The following CDH6 variants were observed in gnomAD, a reference collection of about 807,000 sequenced individuals.
CDH6 encodes cadherin 6.
Under a neutral mutation model 78.0 loss-of-function variants are expected in CDH6, and 31 were observed. The ratio of observed to expected loss-of-function variants is 0.40; its 90% CI spans 0.30 to 0.54. The LOEUF (loss-of-function observed/expected upper bound fraction) is 0.54, where lower values mean the gene tolerates loss of function less well. Among genes scored for constraint, CDH6 ranks in the 20% least tolerant of loss-of-function variants. The pLI, the probability that CDH6 is intolerant of heterozygous loss-of-function variation, is 0.56. For missense variants in CDH6, 724 were observed against 975.9 expected, an observed-to-expected ratio of 0.74 and a Z score of 3.44; for synonymous variants, 376 against 368.8, an observed-to-expected ratio of 1.02 and a Z score of -0.23.
At chr5:31,288,625 T>C (rs182491557) in intron 2 of CDH6, among the ~76,000 whole-genome samples, 4 of 152,346 alleles carry the variant, frequency 2.6e-5, no homozygotes, top group African/African-American at 9.6e-5. Flanking sequence ...ATAATTTGAT[T>C]GATTGTGCTA....
At chr5:31,196,524 CTTT>C (rs1348417772) in intron 1 of CDH6, among the ~76,000 whole-genome samples, 1 of 152,146 alleles carries the variant, frequency 6.6e-6, no homozygotes, top group African/African-American at 2.4e-5. Flanking sequence ...ACTATTCAAA[CTTT>C]TTTTAGTTGG....
intron 1 of CDH6, among the ~76,000 whole-genome samples, chr5:31,211,689 G>C (rs1049285843): frequency 1.3e-5 from 2 of 152,134 alleles, no homozygotes; most frequent in African/African-American, 4.8e-5. Flanking sequence ...GCATTTAGGT[G>C]GTTGTGATGT....
rs1014026923 is a variant in CDH6 at position 31,327,608 on chromosome 5, A to C, written c.*4300A>C. The C allele has an allele frequency of 5.1e-6, 1 of 197,422 alleles. No homozygotes were observed. The highest frequency in any genetic ancestry group is 7.9e-5 in the East Asian group (1 of 12,656). The allele number at this position is 197,422 out of a possible 1,614,324, so 12.2% of individuals were successfully genotyped here. On this transcript the variant is annotated 3_prime_UTR_variant, in exon 12 of 12. Coordinates refer to ENST00000265071, the MANE Select transcript of CDH6 (RefSeq NM_004932.4). ...AGAAAAATTAACACTTGGTGTGTGA[A>C]TCTTCAGGAAAATGAGCTATTTCAT...
intron 11 of CDH6, chr5:31,318,282 G>A (rs1738384231): frequency 9.6e-6 from 5 of 518,586 alleles, no homozygotes; most frequent in Non-Finnish European, 1.7e-5. Context: ...TGTCTGGCAT[G>A]GAGTGTATGA....
At chr5:31,264,192 A>G (rs1026521731) in intron 1 of CDH6, among the ~76,000 whole-genome samples, 2 of 152,250 alleles carry the variant, frequency 1.3e-5, no homozygotes, top group Admixed American at 6.5e-5. Context: ...AATTTTAAGA[A>G]AATTTTGACT....
chr5:31,226,930 T>C (rs1251691235), intron 1 of CDH6, among the ~76,000 whole-genome samples: 1 of 152,126 alleles, frequency 6.6e-6, no homozygotes, highest in Non-Finnish European at 1.5e-5. Context: ...GAATCAAATG[T>C]GAAGAAAGGT....
rs1224073853 is a variant in CDH6, at chr5:31,256,401, C to T, written c.-128-10945C>T. Among the ~76,000 whole-genome samples the T allele has an allele frequency of 6.6e-5, 10 of 152,088 alleles. No homozygotes were observed. In the East Asian group the frequency reaches 7.7e-4, roughly 12 times the overall value. On this transcript the variant is annotated intron_variant, in intron 1 of 11. Coordinates refer to ENST00000265071, the MANE Select transcript of CDH6 (RefSeq NM_004932.4). Reference sequence around the variant, plus strand: ...GAACAGAAAGGCATTCCCTCTGGCTCGGAACTTAGAATTGGAGCTTGCCAC... The same window carrying T: ...GAACAGAAAGGCATTCCCTCTGGCTTGGAACTTAGAATTGGAGCTTGCCAC...
chr5:31,315,715 CTCTG>C (rs1269572489), intron 8 of CDH6, among the ~76,000 whole-genome samples: 1 of 152,204 alleles, frequency 6.6e-6, no homozygotes, highest in East Asian at 1.9e-4. Context: ...GGGGCAGTAC[CTCTG>C]TCTACCTCAG....
intron 1 of CDH6, among the ~76,000 whole-genome samples, chr5:31,231,497 G>T (rs772455054): frequency 1.3e-5 from 2 of 152,138 alleles, no homozygotes; most frequent in Admixed American, 6.5e-5. Context: ...TAAAGAAAAG[G>T]AATTTATTTC....
intron 1 of CDH6, among the ~76,000 whole-genome samples, chr5:31,232,865 A>G (rs780197805): frequency 1.3e-5 from 2 of 152,218 alleles, no homozygotes; most frequent in Non-Finnish European, 2.9e-5. Flanking sequence ...TTTTCCATAT[A>G]TTAATTCATT....
chr5:31,199,464 ATACACACACATATGTGTATATATG>A (rs1561193396), intron 1 of CDH6, among the ~76,000 whole-genome samples: 323 of 8,100 alleles, frequency 0.04, 1 homozygote, highest in African/African-American at 0.05. Context: ...ATGTGTATAT[ATACACACACATATGTGTATATATG>A]TACACACACA....
chr5:31,240,342 C>A (rs988563802), intron 1 of CDH6, among the ~76,000 whole-genome samples: 6 of 152,124 alleles, frequency 3.9e-5, no homozygotes, highest in African/African-American at 1.4e-4. Flanking sequence ...TTAGGTATTT[C>A]TTTCTTCAAT....
intron 2 of CDH6, among the ~76,000 whole-genome samples, chr5:31,283,915 AGCGATTC>A (rs1406579854): frequency 6.6e-6 from 1 of 151,864 alleles, no homozygotes; most frequent in East Asian, 1.9e-4. Flanking sequence ...CCTGGGTTCA[AGCGATTC>A]TCCTGCCTCA....
chr5:31,251,963 C>T (rs1741921047), intron 1 of CDH6: 1 of 152,194 alleles, frequency 6.6e-6, no homozygotes, highest in South Asian at 2.1e-4. Flanking sequence ...TTTCCTCTTT[C>T]CCATATAGCT....
chr5:31,195,664 G>C (rs1022930417), intron 1 of CDH6, among the ~76,000 whole-genome samples: 2 of 152,198 alleles, frequency 1.3e-5, no homozygotes, highest in African/African-American at 2.4e-5. Flanking sequence ...TAAAGTTTAT[G>C]CCAGAGGCCA....
At chr5:31,313,228 TGATGTGTACCA>T in intron 7 of CDH6, 79 bp from the exon 8 acceptor site, 1 of 1,150,720 alleles carries the variant, frequency 8.7e-7, no homozygotes, top group Non-Finnish European at 1.2e-6. Flanking sequence ...CTCTGGGATA[TGATGTGTACCA>T]GATGTTTTAT....
chr5:31,284,795 A>G (rs1010354051), intron 2 of CDH6, among the ~76,000 whole-genome samples: 1 of 152,216 alleles, frequency 6.6e-6, no homozygotes, highest in African/African-American at 2.4e-5. Context: ...TTCTCTAGAG[A>G]CCAGAGGATC....
intron 1 of CDH6, among the ~76,000 whole-genome samples, chr5:31,217,678 A>T (rs1579823926): frequency 6.6e-6 from 1 of 152,154 alleles, no homozygotes; most frequent in East Asian, 1.9e-4. Context: ...GCGAGGTAAA[A>T]CACAGTAACT....
chr5:31,195,330 A>C (rs532928020), intron 1 of CDH6, among the ~76,000 whole-genome samples: 1 of 152,256 alleles, frequency 6.6e-6, no homozygotes, highest in East Asian at 1.9e-4. Context: ...CCTGTGTTGG[A>C]AAAAGGAACC....
Sources: allele counts gnomAD v4.1 joint callset (sites outside exome capture counted in the v4.1 genomes callset), GRCh38; gene constraint gnomAD v4.1.1; transcripts MANE v1.5; gene names NCBI Gene and HGNC (gene_info 2026-07-23, HGNC 2026-07-21).